The following ZEB1 variants were observed in gnomAD, a reference collection of about 807,000 sequenced individuals.
ZEB1 encodes the protein zinc finger E-box-binding homeobox 1.
ZEB1 carries 21 observed loss-of-function variants against 84.9 expected under a neutral mutation model. The ratio of observed to expected loss-of-function variants is 0.25; its 90% CI spans 0.18 to 0.36. The LOEUF is 0.36. ZEB1 is among the 10% of genes least tolerant of loss of function. The pLI is 1.00. For missense variants in ZEB1, 1,104 were observed against 1,330.2 expected (o/e 0.83, Z 2.65); for synonymous variants, 420 against 471.1 (o/e 0.89, Z 1.41).
chr10:31,359,529 G>GT (rs1286667153), intron 1 of ZEB1, among the ~76,000 whole-genome samples: 2 of 151,864 alleles, frequency 1.3e-5, no homozygotes, highest in African/African-American at 4.8e-5. Flanking sequence ...AGGAACCATG[G>GT]TTTTTCTGTT....
chr10:31,459,320 T>A (rs561235187), intron 1 of ZEB1, among the ~76,000 whole-genome samples: 2 of 152,240 alleles, frequency 1.3e-5, no homozygotes, highest in South Asian at 4.1e-4. Context: ...CACATTTGTA[T>A]ATAGGTGATG....
chr10:31,320,880 G>C (rs2033818910), intron 1 of ZEB1, among the ~76,000 whole-genome samples: 1 of 152,146 alleles, frequency 6.6e-6, no homozygotes, highest in Non-Finnish European at 1.5e-5. Context: ...CGCCGCCCCG[G>C]TACCTGTTTG....
At chr10:31,507,573 C>A (rs560054691) in intron 4 of ZEB1, among the ~76,000 whole-genome samples, 1 of 151,996 alleles carries the variant, frequency 6.6e-6, no homozygotes, top group Admixed American at 6.6e-5. Flanking sequence ...GACCTGTCTT[C>A]AAGTTCTAAA....
intron 1 of ZEB1, among the ~76,000 whole-genome samples, chr10:31,453,843 G>A (rs2060883508): frequency 6.6e-6 from 1 of 152,096 alleles, no homozygotes; most frequent in Non-Finnish European, 1.5e-5. Flanking sequence ...AAGAGGAGCT[G>A]GTACCATTCC....
At position 31,440,990 on chromosome 10, in the gene ZEB1, T is replaced by C. The variant is rs562096856; in HGVS notation, c.59-20047T>C. Among the ~76,000 whole-genome samples, 438 of 152,214 alleles carry C rather than the reference T, an allele frequency of 2.9e-3. 4 individuals carry two copies. Among genetic ancestry groups the C allele is most frequent in the African/African-American group, 9.5e-3 (394 of 41,522 alleles). On this transcript the variant is annotated intron_variant, in intron 1 of 8. Coordinates refer to ENST00000424869, the MANE Select transcript of ZEB1 (RefSeq NM_001174096.2). Reference sequence around the variant, plus strand: ...AAAATGGCCATACTGCCCAAGGTAATTTATAGATTCAATGCCATCCCCATC... The same window carrying C: ...AAAATGGCCATACTGCCCAAGGTAACTTATAGATTCAATGCCATCCCCATC...
At chr10:31,376,844 T>G (rs1459747652) in intron 1 of ZEB1, among the ~76,000 whole-genome samples, 2 of 151,740 alleles carry the variant, frequency 1.3e-5, no homozygotes, top group Non-Finnish European at 3.0e-5. Flanking sequence ...AATAATTTCC[T>G]CATCTTAAAA....
rs879389929 is a variant in ZEB1 at position 31,408,555 on chromosome 10, C to G, written c.59-52482C>G. ...CTGGTACCAAAACAGAGATATAGAT[C>G]AATGGAACTGAACAGAGCCCTCAGA... On this transcript the variant is annotated intron_variant, in intron 1 of 8. Transcript: ENST00000424869. 2.0e-3 allele frequency among the ~76,000 whole-genome samples: 298 copies of G among 146,672 alleles called. 1 individual carries two copies. The highest frequency in any genetic ancestry group is 3.2e-3 in the Non-Finnish European group (213 of 66,224).
intron 1 of ZEB1, among the ~76,000 whole-genome samples, chr10:31,333,872 C>T (rs1339858152): frequency 6.6e-6 from 1 of 151,930 alleles, no homozygotes; most frequent in Non-Finnish European, 1.5e-5. Flanking sequence ...AAAAGATATT[C>T]CTGACACTAC....
chr10:31,363,209 G>A (rs1167725193), intron 1 of ZEB1: 30 of 1,534,030 alleles, frequency 2.0e-5, no homozygotes, highest in Non-Finnish European at 2.6e-5. Context: ...TCTTCACCCA[G>A]CACCTTCAAG....
intron 1 of ZEB1, among the ~76,000 whole-genome samples, chr10:31,414,758 C>T (rs1354176529): frequency 1.3e-5 from 2 of 152,158 alleles, no homozygotes; most frequent in Non-Finnish European, 2.9e-5. Context: ...TTCTGCTAAA[C>T]CCTTTACCTG....
upstream of ZEB1, chr10:31,318,492 A>C (rs1398041589): frequency 6.5e-6 from 1 of 152,818 alleles, no homozygotes; most frequent in Admixed American, 6.5e-5. Context: ...GTTCAATCTC[A>C]TTGAAGTCAC....
intron 1 of ZEB1, among the ~76,000 whole-genome samples, chr10:31,438,367 A>C (rs1591261752): frequency 6.6e-6 from 1 of 152,280 alleles, no homozygotes; most frequent in African/African-American, 2.4e-5. Context: ...AAACCATAAA[A>C]TAAAAATTGT....
At chr10:31,387,003 A>T in intron 1 of ZEB1, 1 of 782,552 alleles carries the variant, frequency 1.3e-6, no homozygotes, top group Non-Finnish European at 1.5e-6. Flanking sequence ...ATGTGATTTT[A>T]AGAATACTCA....
At chr10:31,321,128 G>A (rs2033915642) in intron 1 of ZEB1, 1 of 1,025,946 alleles carries the variant, frequency 9.7e-7, no homozygotes, top group Non-Finnish European at 1.2e-6. Flanking sequence ...CCCGCGCCTG[G>A]GCTCCCTTTC....
chr10:31,468,346 T>C (rs1271738351), intron 2 of ZEB1, among the ~76,000 whole-genome samples: 1 of 151,984 alleles, frequency 6.6e-6, no homozygotes, highest in East Asian at 2.0e-4. Flanking sequence ...TGCAGCTGCC[T>C]CTCACCTGCC....
At chr10:31,515,330 C>T (rs1405935376) in intron 6 of ZEB1, among the ~76,000 whole-genome samples, 1 of 152,018 alleles carries the variant, frequency 6.6e-6, no homozygotes, top group Non-Finnish European at 1.5e-5. Context: ...AAACAGAGAG[C>T]TATATTTGCA....
intron 1 of ZEB1, among the ~76,000 whole-genome samples, chr10:31,449,429 G>A (rs945624004): frequency 7.2e-5 from 11 of 152,020 alleles, no homozygotes; most frequent in Non-Finnish European, 1.5e-4. Context: ...GGCCATCTTG[G>A]CTCCTCTCTG....
At chr10:31,483,598 A>G (rs1219709272) in intron 2 of ZEB1, among the ~76,000 whole-genome samples, 1 of 152,058 alleles carries the variant, frequency 6.6e-6, no homozygotes, top group Non-Finnish European at 1.5e-5. Flanking sequence ...CCAATAAGGT[A>G]GAATCCGGTA....
chr10:31,379,135 CAGTT>C (rs1294286608), intron 1 of ZEB1, among the ~76,000 whole-genome samples: 17 of 151,944 alleles, frequency 1.1e-4, no homozygotes, highest in Non-Finnish European at 1.5e-5. Context: ...AGGGGAGTAT[CAGTT>C]AGTTACAGAA....
Sources: allele counts gnomAD v4.1 joint callset (sites outside exome capture counted in the v4.1 genomes callset), GRCh38; gene constraint gnomAD v4.1.1; transcripts MANE v1.5; gene names NCBI Gene and HGNC (gene_info 2026-07-23, HGNC 2026-07-21).